ZDHHC14: variants seen among roughly 807,000 people sequenced by gnomAD.
ZDHHC14 encodes the protein zDHHC palmitoyltransferase 14.
ZDHHC14 carries 16 observed loss-of-function variants against 47.7 expected under a neutral mutation model. The observed-to-expected ratio is 0.34, with a 90% confidence interval of 0.23 to 0.51. The LOEUF (loss-of-function observed/expected upper bound fraction) is 0.51. Ranked by LOEUF, ZDHHC14 falls within the 20% of genes least tolerant of loss-of-function variation. ZDHHC14 has a pLI of 0.97. For missense variants in ZDHHC14, 515 were observed against 662.5 expected (o/e 0.78, Z 2.44); for synonymous variants, 293 against 278.9 (o/e 1.05, Z -0.50).
intron 1 of ZDHHC14, among the ~76,000 whole-genome samples, chr6:157,446,285 G>A (rs775005960): frequency 1.3e-5 from 2 of 152,026 alleles, no homozygotes; most frequent in Non-Finnish European, 2.9e-5. Context: ...TGCCCCTCTC[G>A]AGCCTTCTCC....
chr6:157,413,994 T>G (rs1583624045), intron 1 of ZDHHC14, among the ~76,000 whole-genome samples: 1 of 152,284 alleles, frequency 6.6e-6, no homozygotes, highest in East Asian at 1.9e-4. Flanking sequence ...TAGAGTGCAG[T>G]GGTGCAATTT....
intron 1 of ZDHHC14, among the ~76,000 whole-genome samples, chr6:157,456,325 C>T (rs1368675779): frequency 6.6e-6 from 1 of 152,184 alleles, no homozygotes; most frequent in Non-Finnish European, 1.5e-5. Flanking sequence ...GCTCAGGCAG[C>T]TCGTGATCCA....
intron 1 of ZDHHC14, among the ~76,000 whole-genome samples, chr6:157,391,125 C>G (rs1004146279): frequency 6.6e-6 from 1 of 152,148 alleles, no homozygotes; most frequent in Non-Finnish European, 1.5e-5. Flanking sequence ...AGGACTTCCC[C>G]CTTAGCAGGG....
chr6:157,660,936 A>T (rs1161227657), intron 8 of ZDHHC14, among the ~76,000 whole-genome samples: 1 of 152,200 alleles, frequency 6.6e-6, no homozygotes, highest in Admixed American at 6.5e-5. Context: ...TTTGAACGGA[A>T]TGTGCTAGAA....
intron 1 of ZDHHC14, among the ~76,000 whole-genome samples, chr6:157,443,897 A>G (rs950344377): frequency 2.6e-5 from 4 of 152,236 alleles, no homozygotes; most frequent in Admixed American, 2.0e-4. Flanking sequence ...ATTAAATGCC[A>G]TAACCCAGAT....
intron 1 of ZDHHC14, among the ~76,000 whole-genome samples, chr6:157,539,199 C>T (rs1169270360): frequency 6.6e-6 from 1 of 151,874 alleles, no homozygotes; most frequent in African/African-American, 2.4e-5. Context: ...TACTCGAGCC[C>T]AGGAGTTTGA....
chr6:157,572,759 T>G (rs1264475201), intron 2 of ZDHHC14, among the ~76,000 whole-genome samples: 1 of 150,264 alleles, frequency 6.7e-6, no homozygotes, highest in Non-Finnish European at 1.5e-5. Flanking sequence ...ATACAGTAGG[T>G]GCCTAATAAA....
intron 3 of ZDHHC14, among the ~76,000 whole-genome samples, chr6:157,604,910 G>T (rs1784476411): frequency 6.6e-6 from 1 of 152,218 alleles, no homozygotes; most frequent in Non-Finnish European, 1.5e-5. Flanking sequence ...ATTGAAATTG[G>T]CTTCCAGCAA....
At chr6:157,600,979 G>A (rs2114906422) in intron 3 of ZDHHC14, among the ~76,000 whole-genome samples, 1 of 152,334 alleles carries the variant, frequency 6.6e-6, no homozygotes, top group East Asian at 1.9e-4. Context: ...AGGAGGCCTG[G>A]GTGCCGTTTC....
chr6:157,559,755 G>A (rs937830615), intron 2 of ZDHHC14, among the ~76,000 whole-genome samples: 2 of 152,232 alleles, frequency 1.3e-5, no homozygotes, highest in African/African-American at 2.4e-5. Flanking sequence ...GAGTCTGGAA[G>A]GAAAGCTCTG....
Position 157,633,853 on chromosome 6 carries a change from A to G in ZDHHC14, c.752+971A>G, listed in dbSNP as rs2114961679. 1.3e-5 allele frequency among the ~76,000 whole-genome samples: 2 copies of G among 152,194 alleles called. 1 individual carries two copies. The highest frequency in any genetic ancestry group is 4.1e-4 in the South Asian group (2 of 4,822). ...TTTTTAGTAGAGACGGGGTTTCACC[A>G]TGTTGGCCAGGCTGGTCTCAAACTG... On this transcript the variant is annotated intron_variant, in intron 5 of 8. Transcript: ENST00000359775.
chr6:157,632,734 C>A (rs1785798794), intron 4 of ZDHHC14, 100 bp from the exon 5 acceptor site: 4 of 1,134,886 alleles, frequency 3.5e-6, no homozygotes, highest in Non-Finnish European at 4.0e-6. Context: ...AGAATTATTT[C>A]ATTGATCTTT....
intron 1 of ZDHHC14, among the ~76,000 whole-genome samples, chr6:157,461,597 G>A (rs1261863328): frequency 1.3e-5 from 2 of 152,174 alleles, no homozygotes; most frequent in African/African-American, 4.8e-5. Flanking sequence ...CTCTGTAACA[G>A]CAGCTACACC....
chr6:157,586,011 A>C lies in ZDHHC14; in HGVS notation c.407-6977A>C, dbSNP rs947163478. Among the ~76,000 whole-genome samples the C allele has an allele frequency of 6.6e-6, 1 of 151,868 alleles. No homozygotes were observed. The highest frequency in any genetic ancestry group is 1.5e-5 in the Non-Finnish European group (1 of 67,964). ...ATCTTGGGCATCTCCTATGTGCTAG[A>C]CTCTCTGCTGGATGATGGGGACTTG... On this transcript the variant is annotated intron_variant, in intron 2 of 8. Transcript: ENST00000359775. This position sits in a 1 kb window ranked among gnomAD's most constrained non-coding sequence, Gnocchi z 4.6.
chr6:157,484,450 GTA>G (rs1192103007), intron 1 of ZDHHC14, among the ~76,000 whole-genome samples: 1 of 141,590 alleles, frequency 7.1e-6, no homozygotes, highest in Non-Finnish European at 1.5e-5. Context: ...ACATATATAT[GTA>G]TATGTGTATA....
chr6:157,473,876 C>G (rs1485106798), intron 1 of ZDHHC14, among the ~76,000 whole-genome samples: 2 of 151,874 alleles, frequency 1.3e-5, no homozygotes, highest in African/African-American at 4.8e-5. Flanking sequence ...CTCCAAGATG[C>G]CTCATTATCT....
intron 2 of ZDHHC14, among the ~76,000 whole-genome samples, chr6:157,552,678 C>T (rs1226136702): frequency 6.6e-6 from 1 of 152,128 alleles, no homozygotes; most frequent in Non-Finnish European, 1.5e-5. Context: ...GGAAAAGAGT[C>T]CCAGCCATGC....
chr6:157,578,402 T>C (rs557660649), intron 2 of ZDHHC14, among the ~76,000 whole-genome samples: 6 of 152,356 alleles, frequency 3.9e-5, no homozygotes, highest in Middle Eastern at 6.8e-3. Flanking sequence ...TTCAATCTTC[T>C]GTCTATGACT....
chr6:157,463,704 C>G lies in ZDHHC14; in HGVS notation c.246-78881C>G, dbSNP rs902014434. 1.3e-5 allele frequency among the ~76,000 whole-genome samples: 2 copies of G among 152,196 alleles called. No individual in the cohort carries two copies. The highest frequency in any genetic ancestry group is 4.8e-5 in the African/African-American group (2 of 41,442). On this transcript the variant is annotated intron_variant, in intron 1 of 8. Coordinates refer to ENST00000359775, the MANE Select transcript of ZDHHC14 (RefSeq NM_024630.3). The surrounding 1 kb of genome is among the most constrained non-coding windows in gnomAD (Gnocchi z 4.4). ...GCTGGCACTTCGTCCCAATGTCTCC[C>G]CGCTTTACCTTTCATTAGTCAGATC...
Sources: allele counts gnomAD v4.1 joint callset (sites outside exome capture counted in the v4.1 genomes callset), GRCh38; gene constraint gnomAD v4.1.1; non-coding constraint Gnocchi (gnomAD v3.1); transcripts MANE v1.5; gene names NCBI Gene and HGNC (gene_info 2026-07-23, HGNC 2026-07-21).